Variants in PCOLCE2 observed in about 807,000 individuals in gnomAD.
PCOLCE2 encodes procollagen C-proteinase enhancer 2.
Under a neutral mutation model 47.0 loss-of-function variants are expected in PCOLCE2, and 42 were observed. That is an observed-to-expected ratio of 0.89 (90% CI 0.70 to 1.16). The LOEUF (loss-of-function observed/expected upper bound fraction) is 1.16. Among genes scored for constraint, PCOLCE2 ranks in the 50% most tolerant of loss-of-function variants. The pLI is 0.00. For missense variants in PCOLCE2, 500 were observed against 526.1 expected (o/e 0.95, Z 0.49); for synonymous variants, 169 against 191.7 (o/e 0.88, Z 0.98).
chr3:142,887,624 G>T, intron 2 of PCOLCE2, 45 bp downstream of exon 2: 1 of 975,506 alleles, frequency 1.0e-6, no homozygotes, highest in East Asian at 2.4e-5. Flanking sequence ...TCACACTGTT[G>T]CCAACACCCA....
rs998300631 is a variant in PCOLCE2 at position 142,865,447 on chromosome 3, C to T, written c.193-16975G>A. ...AATCTGGTTTCATACATCCATTTTACGCCAAGAGTGAGAGGCAAGGAACCC... is the reference window on the plus strand; with the variant it reads ...AATCTGGTTTCATACATCCATTTTATGCCAAGAGTGAGAGGCAAGGAACCC... On this transcript the variant is annotated intron_variant, in intron 2 of 8. Coordinates refer to ENST00000295992, the MANE Select transcript of PCOLCE2 (RefSeq NM_013363.4). Among the ~76,000 whole-genome samples the T allele has an allele frequency of 4.6e-5, 7 of 151,718 alleles. No homozygotes were observed. In the East Asian group the frequency reaches 5.8e-4, roughly 13 times the overall value.
intron 5 of PCOLCE2, among the ~76,000 whole-genome samples, chr3:142,837,497 A>G (rs1033922348): frequency 6.6e-6 from 1 of 152,190 alleles, no homozygotes; most frequent in African/African-American, 2.4e-5. Context: ...TTTAACTCAA[A>G]TATGTCAATG....
intron 5 of PCOLCE2, among the ~76,000 whole-genome samples, chr3:142,833,037 G>A (rs1578031959): frequency 6.6e-6 from 1 of 152,154 alleles, no homozygotes; most frequent in Admixed American, 6.5e-5. Context: ...CCTCATGGAG[G>A]CAGCCACTAC....
At chr3:142,820,790 T>TTTTACTGTAAA in intron 8 of PCOLCE2, 88 bp downstream of exon 8, 1 of 1,123,644 alleles carries the variant, frequency 8.9e-7, no homozygotes, top group Non-Finnish European at 1.3e-6. Flanking sequence ...GTGGGCAACA[T>TTTTACTGTAAA]ATTAGCCCTG....
intron 5 of PCOLCE2, among the ~76,000 whole-genome samples, chr3:142,838,199 T>C (rs182059269): frequency 6.6e-6 from 1 of 152,268 alleles, no homozygotes; most frequent in East Asian, 1.9e-4. Context: ...CCTGTTAATG[T>C]TGCCTCAGGG....
intron 6 of PCOLCE2, among the ~76,000 whole-genome samples, chr3:142,825,656 G>A (rs1332372043): frequency 6.6e-6 from 1 of 152,118 alleles, no homozygotes; most frequent in Non-Finnish European, 1.5e-5. Context: ...TTCCATCTTT[G>A]ATGGTTCAAT....
chr3:142,827,841 G>A lies in PCOLCE2; in HGVS notation c.865+1851C>T, dbSNP rs1937102206. 1.5e-5 allele frequency: 8 copies of A among 544,888 alleles called. 1 individual carries two copies. The highest frequency in any genetic ancestry group is 3.8e-5 in the African/African-American group (2 of 52,096). 33.8% of individuals were successfully genotyped at this position (544,888 alleles called of 1,614,324 possible). A position where few individuals can be genotyped will look rare whatever the true frequency, so the allele number is the denominator to read the frequency against. ...ACGGACACCTCAAACCCAACAAGGC[G>A]ACAGCCTAATTTATAAATCCACCTC... On this transcript the variant is annotated intron_variant, in intron 6 of 8. Transcript: ENST00000295992.
chr3:142,823,936 T>C (rs749392228), intron 6 of PCOLCE2, among the ~76,000 whole-genome samples: 1 of 152,178 alleles, frequency 6.6e-6, no homozygotes, highest in South Asian at 2.1e-4. Flanking sequence ...GTGTGCCCTG[T>C]TTAGAAAAAC....
chr3:142,884,212 TG>T (rs1933680380), intron 2 of PCOLCE2, among the ~76,000 whole-genome samples: 1 of 152,172 alleles, frequency 6.6e-6, no homozygotes, highest in Non-Finnish European at 1.5e-5. Flanking sequence ...GGGGTCCAGG[TG>T]GTGGGATGTC....
chr3:142,827,335 G>A lies in PCOLCE2; in HGVS notation c.865+2357C>T, dbSNP rs1368451586. The A allele has an allele frequency of 6.3e-6, 9 of 1,426,604 alleles. No homozygotes were observed. The East Asian group carries it at 2.1e-4, about 33-fold the overall frequency. The allele number at this position is 1,426,604 out of a possible 1,614,324, so 88.4% of individuals were successfully genotyped here. On this transcript the variant is annotated intron_variant, in intron 6 of 8. Transcript: ENST00000295992. ...GGTAGGCTTGGCAAGCCTTCAAGAT[G>A]GGTTTGTCAGTTCGGCCACCTCCAG...
chr3:142,852,127 A>T (rs951796047), intron 2 of PCOLCE2, among the ~76,000 whole-genome samples: 5 of 152,242 alleles, frequency 3.3e-5, no homozygotes, highest in African/African-American at 4.8e-5. Flanking sequence ...GTCTCCTATA[A>T]CCAGAGACAA....
intron 5 of PCOLCE2, 28 bp from the exon 6 acceptor site, chr3:142,829,874 T>C (rs911637796): frequency 4.3e-6 from 6 of 1,387,842 alleles, no homozygotes; most frequent in Non-Finnish European, 5.0e-6. Flanking sequence ...TGTTTTTTTA[T>C]AAATACTTAA....
intron 7 of PCOLCE2, 117 bp downstream of exon 7, chr3:142,823,414 TG>T: frequency 1.6e-6 from 1 of 634,064 alleles, no homozygotes; most frequent in Non-Finnish European, 2.8e-6. Context: ...AGTATTTTCT[TG>T]GATAAATGAG....
intron 2 of PCOLCE2, among the ~76,000 whole-genome samples, chr3:142,864,925 C>T (rs1042534322): frequency 3.9e-5 from 6 of 152,144 alleles, no homozygotes; most frequent in African/African-American, 2.4e-5. Context: ...TGAAATGTAT[C>T]TACTTTTGGC....
rs566148536 is a variant in PCOLCE2, at chr3:142,833,816, T to C, written c.711-3970A>G. On this transcript the variant is annotated intron_variant, in intron 5 of 8. Coordinates refer to ENST00000295992, the MANE Select transcript of PCOLCE2 (RefSeq NM_013363.4). ...TTCCTTGTTAATTTTTAGGATTTCTTAATACGTTCTGGAACCTAAGCCTTT... is the reference window on the plus strand; with the variant it reads ...TTCCTTGTTAATTTTTAGGATTTCTCAATACGTTCTGGAACCTAAGCCTTT... Among the ~76,000 whole-genome samples the C allele has an allele frequency of 2.0e-5, 3 of 152,310 alleles. No homozygotes were observed. In the East Asian group the frequency reaches 5.8e-4, roughly 29 times the overall value.
intron 8 of PCOLCE2, among the ~76,000 whole-genome samples, chr3:142,819,554 G>A (rs562755948): frequency 1.1e-4 from 17 of 152,360 alleles, no homozygotes; most frequent in African/African-American, 4.1e-4. Flanking sequence ...CTTTTACAGA[G>A]CCTTTGTGAT....
At chr3:142,856,452 T>C (rs1197088447) in intron 2 of PCOLCE2, among the ~76,000 whole-genome samples, 1 of 152,198 alleles carries the variant, frequency 6.6e-6, no homozygotes, top group Non-Finnish European at 1.5e-5. Flanking sequence ...AGACAGGACT[T>C]CAGGTTATGC....
chr3:142,863,697 G>A (rs1389361296), intron 2 of PCOLCE2, among the ~76,000 whole-genome samples: 1 of 152,214 alleles, frequency 6.6e-6, no homozygotes, highest in Non-Finnish European at 1.5e-5. Flanking sequence ...TGCATCAACA[G>A]AGGAGGCACT....
chr3:142,879,543 GTGCT>G (rs1488743804), intron 2 of PCOLCE2, among the ~76,000 whole-genome samples: 2 of 152,306 alleles, frequency 1.3e-5, no homozygotes, highest in East Asian at 3.9e-4. Flanking sequence ...GTCACCTACA[GTGCT>G]TGCTTATTTA....
Sources: gnomAD v4.1 joint callset for allele counts (sites outside exome capture counted in the v4.1 genomes callset) on GRCh38, gnomAD v4.1.1 for gene constraint, MANE v1.5 for transcripts, NCBI Gene and HGNC (gene_info 2026-07-23, HGNC 2026-07-21) for gene names.